MSH4: variants seen among roughly 807,000 people sequenced by gnomAD.
MSH4 encodes the protein mutS protein homolog 4.
In MSH4, 106 loss-of-function variants were observed where a neutral mutation model predicts 113.7. The ratio of observed to expected loss-of-function variants is 0.93; its 90% confidence interval spans 0.80 to 1.10. The LOEUF is 1.10. Ranked by LOEUF, MSH4 falls within the 50% of genes least tolerant of loss-of-function variation. MSH4 has a pLI of 0.00. For synonymous variants in MSH4, 368 were observed against 380.2 expected (o/e 0.97, Z 0.37); for missense variants, 1,061 against 1,093.7 (o/e 0.97, Z 0.42).
At position 75,830,584 on chromosome 1, in the gene MSH4, C is replaced by T. The variant is rs971166853; in HGVS notation, c.1162+8003C>T. Among the ~76,000 whole-genome samples the T allele has an allele frequency of 7.2e-5, 11 of 152,176 alleles. No individual in the cohort carries two copies. In the East Asian group the frequency reaches 1.2e-3, roughly 16 times the overall value. ...AAAGGGAAGCCCATCAGACTAACAG[C>T]GGATCTCCCAGCAGAAACTCTACAA... On this transcript the variant is annotated intron_variant, in intron 7 of 19. Transcript: ENST00000263187.
At chr1:75,804,826 T>C (rs1650022510) in intron 2 of MSH4, among the ~76,000 whole-genome samples, 1 of 149,750 alleles carries the variant, frequency 6.7e-6, no homozygotes. Flanking sequence ...TATTTACTTT[T>C]ATTTTTATTT....
Position 75,878,990 on chromosome 1 carries a change from A to G in MSH4, c.1541-2A>G. ...TTTGTTTTTCTTGTTTCTGGTCACC[A>G]GGAATGATATCACAACTTGGAGAAA... On this transcript the variant is annotated splice_acceptor_variant, in intron 11 of 19. Transcript: ENST00000263187. LOFTEE classifies it high-confidence loss of function. 6.2e-7 allele frequency: 1 copy of G among 1,603,366 alleles called. No homozygotes were observed. Among genetic ancestry groups the G allele is most frequent in the South Asian group, 1.1e-5 (1 of 89,726 alleles).
At position 75,807,693 on chromosome 1, in the gene MSH4, T is replaced by C. The variant is rs1011289684; in HGVS notation, c.588+552T>C. Among the ~76,000 whole-genome samples, 3 of 152,300 alleles carry C rather than the reference T, an allele frequency of 2.0e-5. No homozygotes were observed. In the South Asian group the frequency reaches 6.2e-4, roughly 32 times the overall value. ...TAAGGAGATGCATAGGGGTGCCAAA[T>C]TGGCAAGGGATAGACTTGTGGATTT... is the stretch of plus-strand genomic sequence containing the variant. On this transcript the variant is annotated intron_variant, in intron 3 of 19. Coordinates refer to ENST00000263187, the MANE Select transcript of MSH4 (RefSeq NM_002440.4).
At chr1:75,821,869 G>T (rs997596457) in intron 6 of MSH4, among the ~76,000 whole-genome samples, 4 of 152,120 alleles carry the variant, frequency 2.6e-5, no homozygotes, top group African/African-American at 9.7e-5. Context: ...TGGCCTCCCA[G>T]AGTGTTGTTG....
At chr1:75,900,750 C>T (rs114874674) in intron 19 of MSH4, among the ~76,000 whole-genome samples, 3,920 of 152,220 alleles carry the variant, frequency 0.026, 58 homozygotes, top group Non-Finnish European at 0.029. Context: ...TTAAGTTCCT[C>T]TACTGTCTCT....
At chr1:75,828,877 G>A (rs1277040282) in intron 7 of MSH4, among the ~76,000 whole-genome samples, 1 of 152,178 alleles carries the variant, frequency 6.6e-6, no homozygotes, top group East Asian at 1.9e-4. Context: ...GCAGCTCCCA[G>A]CATGAGCAAC....
intron 7 of MSH4, among the ~76,000 whole-genome samples, chr1:75,834,412 G>A (rs557909687): frequency 6.6e-6 from 1 of 152,100 alleles, no homozygotes; most frequent in Non-Finnish European, 1.5e-5. Context: ...CCATTTGACC[G>A]AGCCATCCCA....
intron 7 of MSH4, 108 bp downstream of exon 7, chr1:75,822,689 G>C (rs999593654): frequency 7.4e-6 from 4 of 543,422 alleles, no homozygotes; most frequent in Non-Finnish European, 1.2e-5. Context: ...GTTAATTCTT[G>C]TATTCTTTTA....
Position 75,806,978 on chromosome 1 carries a change from C to T in MSH4, c.428-3C>T. On this transcript the variant is annotated splice_region_variant and splice_polypyrimidine_tract_variant and intron_variant, in intron 2 of 19. Transcript: ENST00000263187. Reference sequence around the variant, plus strand: ...TATCTTTTCTTTATTTAAAAATTTACAGCTTCATCCTCATCTGCGATTTCT... The same window carrying T: ...TATCTTTTCTTTATTTAAAAATTTATAGCTTCATCCTCATCTGCGATTTCT... 6.5e-7 allele frequency: 1 copy of T among 1,548,744 alleles called. No individual in the cohort carries two copies. Among genetic ancestry groups the T allele is most frequent in the Non-Finnish European group, 8.6e-7 (1 of 1,158,776 alleles).
At chr1:75,870,133 G>A (rs1377111828) in intron 9 of MSH4, among the ~76,000 whole-genome samples, 1 of 152,188 alleles carries the variant, frequency 6.6e-6, no homozygotes, top group African/African-American at 2.4e-5. Context: ...GAGCTTTTAG[G>A]TTTGACTGTC....
chr1:75,888,516 C>T (rs1336010049), intron 15 of MSH4, among the ~76,000 whole-genome samples: 2 of 151,328 alleles, frequency 1.3e-5, no homozygotes, highest in African/African-American at 2.4e-5. Context: ...GAATGTTTCT[C>T]CATGTTTGTA....
chr1:75,874,739 A>T (rs1286224819), intron 9 of MSH4, among the ~76,000 whole-genome samples: 1 of 152,142 alleles, frequency 6.6e-6, no homozygotes. Context: ...CTGGCCTGTG[A>T]TGCTGTTCAA....
intron 8 of MSH4, among the ~76,000 whole-genome samples, chr1:75,850,329 T>C (rs528042821): frequency 1.0e-3 from 156 of 152,272 alleles, no homozygotes; most frequent in African/African-American, 2.5e-3. Flanking sequence ...TTAGCTGTAT[T>C]CCACAATTTT....
Position 75,899,721 on chromosome 1 carries a change from TC to T in MSH4, c.2619+16del. 7.1e-7 allele frequency: 1 copy of T among 1,404,242 alleles called. No homozygotes were observed. Among genetic ancestry groups the T allele is most frequent in the Non-Finnish European group, 9.5e-7 (1 of 1,056,852 alleles). 87.0% of individuals were successfully genotyped at this position (1,404,242 alleles called of 1,614,324 possible). A position where few individuals can be genotyped will look rare whatever the true frequency, so the allele number is the denominator to read the frequency against. ...GACAAATTTTGGTAAGAAACTTTGT[TC>T]TTATTTGTTCTTCAAATTAAAAAAA... is the stretch of plus-strand genomic sequence containing the variant. On this transcript the variant is annotated intron_variant, in intron 19 of 19. Transcript: ENST00000263187.
At chr1:75,912,041 C>A (rs1652798976) in intron 19 of MSH4, among the ~76,000 whole-genome samples, 1 of 152,088 alleles carries the variant, frequency 6.6e-6, no homozygotes, top group African/African-American at 2.4e-5. Flanking sequence ...CATATTATTT[C>A]TTGGGTATCC....
intron 7 of MSH4, among the ~76,000 whole-genome samples, chr1:75,829,308 C>T (rs1377866483): frequency 1.3e-5 from 2 of 152,196 alleles, no homozygotes; most frequent in African/African-American, 4.8e-5. Context: ...GGGTGGAGCC[C>T]ACCGCAGCTC....
chr1:75,906,673 TAGAG>T (rs1652663754), intron 19 of MSH4, among the ~76,000 whole-genome samples: 3 of 142,836 alleles, frequency 2.1e-5, no homozygotes, highest in South Asian at 4.3e-4. Flanking sequence ...GTTTTGACCA[TAGAG>T]AGAAGAAAGT....
At chr1:75,864,185 C>T (rs528710486) in intron 8 of MSH4, among the ~76,000 whole-genome samples, 4 of 152,142 alleles carry the variant, frequency 2.6e-5, no homozygotes, top group Non-Finnish European at 5.9e-5. Flanking sequence ...CATGTTGTTT[C>T]ATTCAGCTTT....
chr1:75,875,418 G>T (rs1401707730), intron 9 of MSH4, among the ~76,000 whole-genome samples: 1 of 152,138 alleles, frequency 6.6e-6, no homozygotes, highest in East Asian at 1.9e-4. Flanking sequence ...TATTTTTACT[G>T]TATAAGAATG....
Sources: gnomAD v4.1 joint callset for allele counts (sites outside exome capture counted in the v4.1 genomes callset) on GRCh38, gnomAD v4.1.1 for gene constraint, MANE v1.5 for transcripts, NCBI Gene and HGNC (gene_info 2026-07-23, HGNC 2026-07-21) for gene names.